Variants in FRMD4A observed in about 807,000 individuals in gnomAD.
The protein encoded by FRMD4A is FERM domain-containing protein 4A.
A neutral mutation model predicts 129.1 loss-of-function variants in FRMD4A; 29 were observed. That is an observed-to-expected ratio of 0.22 (90% CI 0.17 to 0.31). The LOEUF is 0.31. Among genes scored for constraint, FRMD4A ranks in the 10% least tolerant of loss-of-function variants. The pLI is 1.00. For missense variants in FRMD4A, 1,272 were observed against 1,375.8 expected, an observed-to-expected ratio of 0.92 and a Z score of 1.19; for synonymous variants, 634 against 571.6, an observed-to-expected ratio of 1.11 and a Z score of -1.56.
intron 4 of FRMD4A, among the ~76,000 whole-genome samples, chr10:13,805,973 T>C (rs2093351517): frequency 6.6e-6 from 1 of 152,146 alleles, no homozygotes; most frequent in Admixed American, 6.6e-5. Flanking sequence ...TGCTCGTGTG[T>C]CAGCCTCCTA....
chr10:13,699,278 T>C (rs1447474288), intron 14 of FRMD4A, among the ~76,000 whole-genome samples: 1 of 137,718 alleles, frequency 7.3e-6, no homozygotes, highest in Non-Finnish European at 1.5e-5. Flanking sequence ...GGTTTCCCCA[T>C]GTTTGCCAGG....
intron 2 of FRMD4A, among the ~76,000 whole-genome samples, chr10:14,024,827 C>T (rs1439935084): frequency 6.6e-6 from 1 of 152,210 alleles, no homozygotes; most frequent in African/African-American, 2.4e-5. Context: ...AATAGACTGT[C>T]TGACTCTGAT....
intron 2 of FRMD4A, among the ~76,000 whole-genome samples, chr10:14,080,488 T>A (rs534314416): frequency 7.9e-5 from 12 of 151,984 alleles, no homozygotes; most frequent in African/African-American, 2.9e-4. Flanking sequence ...TGGGGAGGAA[T>A]GATTTGACAA....
At chr10:14,289,193 T>C (rs920833799) in intron 2 of FRMD4A, among the ~76,000 whole-genome samples, 1 of 152,228 alleles carries the variant, frequency 6.6e-6, no homozygotes, top group Admixed American at 6.5e-5. Context: ...GGACTCATTA[T>C]ACCGTTTTGT....
intron 2 of FRMD4A, among the ~76,000 whole-genome samples, chr10:14,195,511 A>G (rs1375805183): frequency 6.6e-6 from 1 of 152,120 alleles, no homozygotes; most frequent in Non-Finnish European, 1.5e-5. Flanking sequence ...CTACCTGTAC[A>G]AATTATTTCC....
At chr10:14,020,692 C>T (rs1302923749) in intron 2 of FRMD4A, among the ~76,000 whole-genome samples, 1 of 151,798 alleles carries the variant, frequency 6.6e-6, no homozygotes, top group Non-Finnish European at 1.5e-5. Flanking sequence ...TGTTTAGAGG[C>T]CATGCTAGGG....
intron 2 of FRMD4A, among the ~76,000 whole-genome samples, chr10:13,986,828 T>A (rs2095583360): frequency 6.6e-6 from 1 of 151,944 alleles, no homozygotes. Context: ...GAAGAACCAC[T>A]GCTGTAGACC....
At position 13,943,971 on chromosome 10, in the gene FRMD4A, A is replaced by T. The variant is rs2095313270; in HGVS notation, c.46-85059T>A. 2.0e-5 allele frequency among the ~76,000 whole-genome samples: 3 copies of T among 152,190 alleles called. No homozygotes were observed. In the South Asian group the frequency reaches 6.2e-4, roughly 32 times the overall value. ...GAGACTATAAATAACTCCGGCCATC[A>T]GTAAGGGCACTCGATATGTTCCTAC... On this transcript the variant is annotated intron_variant, in intron 2 of 24. Transcript: ENST00000357447.
At chr10:13,758,710 A>T (rs1183183496) in intron 8 of FRMD4A, among the ~76,000 whole-genome samples, 1 of 152,130 alleles carries the variant, frequency 6.6e-6, no homozygotes, top group African/African-American at 2.4e-5. Flanking sequence ...TTTTCGCTTA[A>T]TAATCCACTC....
chr10:13,827,985 G>A (rs1289545946), intron 3 of FRMD4A, among the ~76,000 whole-genome samples: 4 of 152,176 alleles, frequency 2.6e-5, no homozygotes, highest in African/African-American at 7.2e-5. Flanking sequence ...CCGCTCTGTA[G>A]CCCCTCTGCA....
At chr10:13,866,899 G>T (rs1192830719) in intron 2 of FRMD4A, among the ~76,000 whole-genome samples, 1 of 152,168 alleles carries the variant, frequency 6.6e-6, no homozygotes, top group Non-Finnish European at 1.5e-5. Flanking sequence ...AGTGAGCTGA[G>T]ATCCAGCCAT....
At chr10:13,802,018 A>AAAAAAAAAAAAC (rs1564827017) in intron 4 of FRMD4A, among the ~76,000 whole-genome samples, 1 of 151,794 alleles carries the variant, frequency 6.6e-6, no homozygotes, top group Non-Finnish European at 1.5e-5. Context: ...AAAAAAAAAA[A>AAAAAAAAAAAAC]AAAAGCATCC....
chr10:14,205,619 C>A (rs1247370612), intron 2 of FRMD4A, among the ~76,000 whole-genome samples: 1 of 151,914 alleles, frequency 6.6e-6, no homozygotes, highest in Non-Finnish European at 1.5e-5. Context: ...CCAGCCTGAT[C>A]AACTTGGTGA....
intron 5 of FRMD4A, among the ~76,000 whole-genome samples, chr10:13,796,145 G>A (rs1284452471): frequency 6.6e-6 from 1 of 152,156 alleles, no homozygotes; most frequent in East Asian, 1.9e-4. Context: ...CTTTTGTTAT[G>A]TAGTTTCAAA....
intron 3 of FRMD4A, among the ~76,000 whole-genome samples, chr10:13,825,158 C>G (rs2093683091): frequency 1.3e-5 from 2 of 152,062 alleles, no homozygotes; most frequent in Admixed American, 1.3e-4. Context: ...CAACCATAAC[C>G]AATAATAAAA....
chr10:14,071,333 C>T (rs1349502702), intron 2 of FRMD4A, among the ~76,000 whole-genome samples: 1 of 152,184 alleles, frequency 6.6e-6, no homozygotes, highest in Non-Finnish European at 1.5e-5. Flanking sequence ...CTGTTTAATG[C>T]AATTGACCTC....
intron 2 of FRMD4A, among the ~76,000 whole-genome samples, chr10:13,984,000 C>G (rs2095571999): frequency 6.7e-6 from 1 of 150,212 alleles, no homozygotes; most frequent in Non-Finnish European, 1.5e-5. Context: ...GAGACTCTGT[C>G]TCAAAAAAAA....
At chr10:14,260,023 CAAAA>C (rs11288245) in intron 2 of FRMD4A, among the ~76,000 whole-genome samples, 30 of 132,794 alleles carry the variant, frequency 2.3e-4, no homozygotes, top group Middle Eastern at 3.9e-3. Flanking sequence ...CTAGAAATGG[CAAAA>C]AAAAAAAAAA....
At position 13,960,868 on chromosome 10, in the gene FRMD4A, G is replaced by A. The variant is rs558214601; in HGVS notation, c.46-101956C>T. Among the ~76,000 whole-genome samples the A allele has an allele frequency of 3.0e-4, 46 of 152,208 alleles. 1 individual carries two copies. In the South Asian group the frequency reaches 9.6e-3, roughly 32 times the overall value. On this transcript the variant is annotated intron_variant, in intron 2 of 24. Coordinates refer to ENST00000357447, the MANE Select transcript of FRMD4A (RefSeq NM_018027.5). The stretch of plus-strand genomic sequence containing the variant: ...TCTGCCCTCCTTTTTTTTAAGTGAA[G>A]GGGACACTGAACCCAGAGGAGGGCA...
Sources: allele counts gnomAD v4.1 joint callset (sites outside exome capture counted in the v4.1 genomes callset), GRCh38; gene constraint gnomAD v4.1.1; transcripts MANE v1.5; gene names NCBI Gene and HGNC (gene_info 2026-07-23, HGNC 2026-07-21).